RBFOX1: variants seen among roughly 807,000 people sequenced by gnomAD.
The protein encoded by RBFOX1 is RNA binding protein fox-1 homolog 1.
In RBFOX1, 8 loss-of-function variants were observed where a neutral mutation model predicts 57.7. The observed-to-expected ratio is 0.14, with a 90% confidence interval of 0.08 to 0.25. The LOEUF (loss-of-function observed/expected upper bound fraction) is 0.25, where lower values mean the gene tolerates loss of function less well. Among genes scored for constraint, RBFOX1 ranks in the 10% least tolerant of loss-of-function variants. The probability of loss-of-function intolerance (pLI) is 1.00; values close to 1 mark genes in which losing one functional copy is unlikely to be tolerated. For missense variants in RBFOX1, 611 were observed against 548.5 expected (o/e 1.11, Z -1.14); for synonymous variants, 326 against 222.4 (o/e 1.47, Z -4.15).
intron 3 of RBFOX1, among the ~76,000 whole-genome samples, chr16:6,689,088 C>T (rs938940516): frequency 6.6e-6 from 1 of 152,138 alleles, no homozygotes; most frequent in African/African-American, 2.4e-5. Flanking sequence ...AACAGTGCTG[C>T]AATAAACATA....
intron 4 of RBFOX1, among the ~76,000 whole-genome samples, chr16:7,290,508 A>T (rs1274000630): frequency 1.3e-5 from 2 of 152,076 alleles, no homozygotes; most frequent in Non-Finnish European, 2.9e-5. Flanking sequence ...CACTATTTTC[A>T]AAAGGTAGCT....
At chr16:5,768,238 G>A (rs1231977117) in intron 3 of RBFOX1, among the ~76,000 whole-genome samples, 1 of 152,160 alleles carries the variant, frequency 6.6e-6, no homozygotes, top group Non-Finnish European at 1.5e-5. Context: ...AATGAGATAC[G>A]TGAACCCATT....
chr16:7,091,137 T>TC (rs36069195), intron 4 of RBFOX1, among the ~76,000 whole-genome samples: 98,554 of 151,956 alleles, frequency 0.65, 32,043 homozygotes, highest in African/African-American at 0.7. Context: ...TCTCTTTACT[T>TC]TTTAGTTGGT....
At chr16:6,510,571 A>G (rs769758851) in intron 2 of RBFOX1, among the ~76,000 whole-genome samples, 1 of 152,172 alleles carries the variant, frequency 6.6e-6, no homozygotes, top group South Asian at 2.1e-4. Flanking sequence ...GTTGGATTCC[A>G]TGTGATGGAG....
At chr16:6,640,631 A>G (rs1263218898) in intron 2 of RBFOX1, among the ~76,000 whole-genome samples, 1 of 151,880 alleles carries the variant, frequency 6.6e-6, no homozygotes, top group Non-Finnish European at 1.5e-5. Context: ...AAATAAATAA[A>G]TAAATACTAC....
intron 4 of RBFOX1, among the ~76,000 whole-genome samples, chr16:7,237,840 C>T (rs1349878851): frequency 6.6e-6 from 1 of 152,096 alleles, no homozygotes. Context: ...AACTCAACTA[C>T]TCAAAATAGA....
Position 6,683,757 on chromosome 16 carries a change from G to A in RBFOX1, c.-16+29107G>A, listed in dbSNP as rs146384165. Among the ~76,000 whole-genome samples, 69 of 152,280 alleles carry A rather than the reference G, an allele frequency of 4.5e-4. No homozygotes were observed. In the South Asian group the frequency reaches 4.6e-3, roughly 10 times the overall value. On this transcript the variant is annotated intron_variant, in intron 3 of 15. Transcript: ENST00000550418. ...CGCAGTTCAGGTAGTGCCCATCAGA[G>A]ATGGAGCTTTGCGGTCAGACATACC...
chr16:6,923,944 C>G (rs1269182933), intron 3 of RBFOX1, among the ~76,000 whole-genome samples: 1 of 151,868 alleles, frequency 6.6e-6, no homozygotes, highest in African/African-American at 2.4e-5. Flanking sequence ...CTGAGTCAGG[C>G]AGATCACCTG....
chr16:6,573,715 C>T (rs1169246891), intron 2 of RBFOX1: 2 of 152,348 alleles, frequency 1.3e-5, no homozygotes, highest in East Asian at 3.9e-4. Flanking sequence ...CCGAAAGAGA[C>T]ACTTGGTAGA....
intron 8 of RBFOX1, among the ~76,000 whole-genome samples, chr16:7,596,242 G>T (rs1303787171): frequency 6.6e-6 from 1 of 150,684 alleles, no homozygotes; most frequent in Non-Finnish European, 1.5e-5. Context: ...AACCAAACAG[G>T]ATTTCCTGTT....
At chr16:7,331,618 C>T (rs1300483533) in intron 4 of RBFOX1, among the ~76,000 whole-genome samples, 2 of 152,094 alleles carry the variant, frequency 1.3e-5, no homozygotes, top group Non-Finnish European at 2.9e-5. Context: ...GCCGGTACTG[C>T]ACACATCATG....
chr16:5,587,977 C>T (rs12447523), intron 2 of RBFOX1, among the ~76,000 whole-genome samples: 21,938 of 151,948 alleles, frequency 0.14, 2,128 homozygotes, highest in East Asian at 0.49. Flanking sequence ...TCAGCAGATT[C>T]GTGGAAAAAC....
intron 2 of RBFOX1, among the ~76,000 whole-genome samples, chr16:6,626,089 G>A (rs985051847): frequency 4.0e-5 from 6 of 151,252 alleles, no homozygotes; most frequent in African/African-American, 9.7e-5. Flanking sequence ...ACACCAATAT[G>A]CGTCTCTTAG....
chr16:7,313,952 G>A (rs1333670240), intron 4 of RBFOX1, among the ~76,000 whole-genome samples: 1 of 152,198 alleles, frequency 6.6e-6, no homozygotes, highest in Non-Finnish European at 1.5e-5. Context: ...TCCAATTGAT[G>A]GAGTGGGCCT....
At chr16:5,892,896 A>G (rs977669265) in intron 4 of RBFOX1, among the ~76,000 whole-genome samples, 1 of 152,188 alleles carries the variant, frequency 6.6e-6, no homozygotes, top group Non-Finnish European at 1.5e-5. Context: ...AGATGTCAAC[A>G]GGGGCTGTAG....
At chr16:6,393,484 C>T (rs182814602) in intron 2 of RBFOX1, among the ~76,000 whole-genome samples, 1 of 152,160 alleles carries the variant, frequency 6.6e-6, no homozygotes, top group Non-Finnish European at 1.5e-5. Context: ...AAATTCTGAT[C>T]CATGCATGGA....
At chr16:6,686,058 G>A (rs971711418) in intron 3 of RBFOX1, among the ~76,000 whole-genome samples, 6 of 152,124 alleles carry the variant, frequency 3.9e-5, no homozygotes, top group African/African-American at 1.4e-4. Flanking sequence ...CATATGTTTG[G>A]CTGGGCCCAG....
At chr16:7,099,572 G>C (rs191824839) in intron 4 of RBFOX1, among the ~76,000 whole-genome samples, 240 of 152,262 alleles carry the variant, frequency 1.6e-3, no homozygotes, top group Admixed American at 4.9e-3. Flanking sequence ...CTGAGGTTAA[G>C]GTTGCACCCT....
At position 6,981,042 on chromosome 16, in the gene RBFOX1, C is replaced by CAAAAAAAAAAA. The variant is rs36117809; in HGVS notation, c.-15-71008_-15-70998dup. Among the ~76,000 whole-genome samples, 751 of 76,476 alleles carry CAAAAAAAAAAA rather than the reference C, an allele frequency of 9.8e-3. 59 individuals carry two copies. Among genetic ancestry groups the CAAAAAAAAAAA allele is most frequent in the African/African-American group, 0.032 (396 of 12,548 alleles). The allele number at this position is 76,476 out of a possible 152,430, so 50.2% of individuals were successfully genotyped here. A position where few individuals can be genotyped will look rare whatever the true frequency, so the allele number is the denominator to read the frequency against. Reference sequence around the variant, plus strand: ...TGGGTGGCAGAGCAAGTCTCAGTCTCAAAAAAAAAAAAAAAAACACTAAAA... The same window carrying CAAAAAAAAAAA: ...TGGGTGGCAGAGCAAGTCTCAGTCTCAAAAAAAAAAAAAAAAAAAAAAAAAAAACACTAAAA... On this transcript the variant is annotated intron_variant, in intron 3 of 15. Transcript: ENST00000550418.
Sources: gnomAD v4.1 joint callset for allele counts (sites outside exome capture counted in the v4.1 genomes callset) on GRCh38, gnomAD v4.1.1 for gene constraint, MANE v1.5 for transcripts, NCBI Gene and HGNC (gene_info 2026-07-23, HGNC 2026-07-21) for gene names.